Variants in FAM3D observed in about 807,000 individuals in gnomAD.
FAM3D encodes the protein FAM3 metabolism regulating signaling molecule D.
In FAM3D, 26 loss-of-function variants were observed where a neutral mutation model predicts 29.8. That is an observed-to-expected ratio of 0.87 (90% confidence interval 0.64 to 1.21). The LOEUF (loss-of-function observed/expected upper bound fraction) is 1.21. Among genes scored for constraint, FAM3D ranks in the 50% most tolerant of loss-of-function variants. The pLI is 0.00. For synonymous variants in FAM3D, 115 were observed against 102.3 expected (o/e 1.12, Z -0.75); for missense variants, 253 against 290.9 (o/e 0.87, Z 0.95).
intron 7 of FAM3D, among the ~76,000 whole-genome samples, chr3:58,637,446 TG>T (rs1169690437): frequency 2.6e-5 from 4 of 152,042 alleles, no homozygotes; most frequent in African/African-American, 9.7e-5. Flanking sequence ...CCAGGTGATG[TG>T]GGGTGGCTTC....
At chr3:58,643,811 C>T (rs1374964277) in intron 5 of FAM3D, 91 bp from the exon 6 acceptor site, 2 of 1,148,874 alleles carry the variant, frequency 1.7e-6, no homozygotes, top group Admixed American at 1.7e-5. Context: ...TGAGGACCCA[C>T]ATAAGCAATG....
chr3:58,665,043 C>T (rs1426360192), intron 1 of FAM3D, among the ~76,000 whole-genome samples: 10 of 152,194 alleles, frequency 6.6e-5, no homozygotes. Context: ...AGTTAGGCCC[C>T]TGGGTTCTGG....
intron 1 of FAM3D, among the ~76,000 whole-genome samples, chr3:58,664,391 G>T (rs556894992): frequency 3.4e-5 from 5 of 148,266 alleles, no homozygotes; most frequent in Admixed American, 1.4e-4. Context: ...CTGATAGGCT[G>T]TGAACTTCCT....
At chr3:58,643,543 T>G in intron 6 of FAM3D, 119 bp downstream of exon 6, 1 of 1,109,016 alleles carries the variant, frequency 9.0e-7, no homozygotes, top group South Asian at 1.3e-5. Flanking sequence ...TCCTGAGCTC[T>G]ACGGGCATTC....
intron 3 of FAM3D, among the ~76,000 whole-genome samples, chr3:58,652,686 ACATTCACC>A (rs550788807): frequency 3.7e-3 from 549 of 148,174 alleles, no homozygotes; most frequent in African/African-American, 0.013. Context: ...AGCCATTCAC[ACATTCACC>A]CACTCACTCA....
At chr3:58,660,295 G>C (rs1242103933) in intron 1 of FAM3D, among the ~76,000 whole-genome samples, 1 of 152,162 alleles carries the variant, frequency 6.6e-6, no homozygotes. Flanking sequence ...CAGGGGGTGT[G>C]CAACCCTGCC....
intron 3 of FAM3D, among the ~76,000 whole-genome samples, chr3:58,650,109 G>A (rs750731270): frequency 6.6e-6 from 1 of 152,238 alleles, no homozygotes; most frequent in Non-Finnish European, 1.5e-5. Flanking sequence ...TGTTTCTGTG[G>A]TTCTACATCG....
intron 4 of FAM3D, among the ~76,000 whole-genome samples, chr3:58,647,454 AC>A (rs2106823357): frequency 6.6e-6 from 1 of 152,148 alleles, no homozygotes; most frequent in South Asian, 2.1e-4. Flanking sequence ...TTGGGGCCCC[AC>A]CTCCAGCCAC....
Position 58,645,629 on chromosome 3 carries a change from G to A in FAM3D, c.146-3C>T. On this transcript the variant is annotated splice_region_variant and splice_polypyrimidine_tract_variant and intron_variant, in intron 4 of 9. Transcript: ENST00000358781. The stretch of plus-strand genomic sequence containing the variant: ...GCCACACTTGTACTTTTTAACCTCT[G>A]GGGAGGAAAGAGACCAGCCTTGGTG... The A allele has an allele frequency of 6.2e-7, 1 of 1,613,434 alleles. No homozygotes were observed. The highest frequency in any genetic ancestry group is 1.7e-4 in the Middle Eastern group (1 of 6,060).
chr3:58,647,594 G>T (rs1353780696), intron 4 of FAM3D, among the ~76,000 whole-genome samples: 1 of 152,246 alleles, frequency 6.6e-6, no homozygotes, highest in Non-Finnish European at 1.5e-5. Context: ...CAACAGGCTG[G>T]CTTAAGCAGG....
Position 58,647,517 on chromosome 3 carries a change from C to G in FAM3D, c.145+1798G>C, listed in dbSNP as rs547969889. On this transcript the variant is annotated intron_variant, in intron 4 of 9. Transcript: ENST00000358781. ...CTATGCAGGGAGATCATTCCCAGCC[C>G]TGGGGACCACTTCTGGTGTTTGCCC... 3.0e-3 allele frequency among the ~76,000 whole-genome samples: 455 copies of G among 152,350 alleles called. 1 individual carries two copies. The highest frequency in any genetic ancestry group is 0.01 in the African/African-American group (435 of 41,586).
intron 8 of FAM3D, 119 bp downstream of exon 8, chr3:58,637,022 T>C (rs957684702): frequency 7.5e-6 from 6 of 803,804 alleles, no homozygotes; most frequent in Non-Finnish European, 1.2e-5. Flanking sequence ...GTCTGATAAT[T>C]TCCTCGAGAT....
chr3:58,645,457 G>T, intron 5 of FAM3D, 52 bp downstream of exon 5: 1 of 1,189,090 alleles, frequency 8.4e-7, no homozygotes, highest in Non-Finnish European at 1.1e-6. Context: ...ATGAATGAAT[G>T]AAATAAAATA....
chr3:58,643,528 TC>T (rs1298718662), intron 6 of FAM3D, 133 bp downstream of exon 6: 1 of 972,658 alleles, frequency 1.0e-6, no homozygotes, highest in African/African-American at 1.6e-5. Flanking sequence ...CAGCCACGCT[TC>T]CCCTCCTGAG....
At chr3:58,663,386 T>C (rs1299116767) in intron 1 of FAM3D, among the ~76,000 whole-genome samples, 1 of 152,114 alleles carries the variant, frequency 6.6e-6, no homozygotes, top group Non-Finnish European at 1.5e-5. Context: ...GCCGGGGGTG[T>C]CATGTGAGCC....
intron 3 of FAM3D, among the ~76,000 whole-genome samples, 191 bp downstream of exon 3, chr3:58,653,483 C>T (rs1263585118): frequency 6.6e-6 from 1 of 152,240 alleles, no homozygotes; most frequent in Non-Finnish European, 1.5e-5. Context: ...CCTTGCAATG[C>T]ACCTCTGTTC....
intron 6 of FAM3D, among the ~76,000 whole-genome samples, chr3:58,642,715 C>T (rs927878389): frequency 1.3e-4 from 20 of 152,270 alleles, no homozygotes; most frequent in Middle Eastern, 3.4e-3. Context: ...GCCATGGATT[C>T]CCTTGTGGTC....
At chr3:58,638,433 G>A (rs2066237132) in intron 7 of FAM3D, among the ~76,000 whole-genome samples, 1 of 152,204 alleles carries the variant, frequency 6.6e-6, no homozygotes, top group Non-Finnish European at 1.5e-5. Flanking sequence ...ATGAGGATGA[G>A]TAACAGCCCT....
chr3:58,655,583 G>A lies in FAM3D; in HGVS notation c.-20C>T, dbSNP rs776117870. ...TCTCATCCTGTCCAGGTGAAGGGTG[G>A]CTTGGGGTCAGCTTCCACCTATGGA... On this transcript the variant is annotated 5_prime_UTR_variant, in exon 2 of 10. Coordinates refer to ENST00000358781, the MANE Select transcript of FAM3D (RefSeq NM_138805.3). 6.2e-7 allele frequency: 1 copy of A among 1,612,786 alleles called. No homozygotes were observed. The highest frequency in any genetic ancestry group is 1.1e-5 in the South Asian group (1 of 90,640).
Sources: allele counts gnomAD v4.1 joint callset (sites outside exome capture counted in the v4.1 genomes callset), GRCh38; gene constraint gnomAD v4.1.1; transcripts MANE v1.5; gene names NCBI Gene and HGNC (gene_info 2026-07-23, HGNC 2026-07-21).